The following RAD51C variants were observed in gnomAD, a reference collection of about 807,000 sequenced individuals.
The protein encoded by RAD51C is DNA repair protein RAD51 homolog 3.
RAD51C carries 42 observed loss-of-function variants against 45.0 expected under a neutral mutation model. That is an observed-to-expected ratio of 0.93 (90% CI 0.73 to 1.21). RAD51C has a LOEUF of 1.21. Among genes scored for constraint, RAD51C ranks in the 50% most tolerant of loss-of-function variants. The probability of loss-of-function intolerance (pLI) is 0.00; values close to 1 mark genes in which losing one functional copy is unlikely to be tolerated. For missense variants in RAD51C, 474 were observed against 452.2 expected (o/e 1.05, Z -0.44); for synonymous variants, 172 against 159.8 (o/e 1.08, Z -0.58).
chr17:58,709,382 A>G (rs890176618), intron 4 of RAD51C, among the ~76,000 whole-genome samples: 5 of 152,186 alleles, frequency 3.3e-5, no homozygotes, highest in South Asian at 2.1e-4. Context: ...CAGCCTTTGA[A>G]TTACTTTTTT....
At chr17:58,716,545 C>T (rs1355615609) in intron 5 of RAD51C, among the ~76,000 whole-genome samples, 6 of 151,784 alleles carry the variant, frequency 4.0e-5, no homozygotes, top group Non-Finnish European at 8.8e-5. Context: ...TCACTGCAAC[C>T]TCCTCCTCCC....
chr17:58,728,641 A>G (rs1462685645), intron 7 of RAD51C, among the ~76,000 whole-genome samples: 1 of 152,036 alleles, frequency 6.6e-6, no homozygotes, highest in Non-Finnish European at 1.5e-5. Context: ...CAGTCAGTCC[A>G]CCTACCTCGG....
chr17:58,706,540 C>T (rs1567796986), intron 4 of RAD51C: 4 of 463,700 alleles, frequency 8.6e-6, no homozygotes, highest in Admixed American at 4.8e-5. Flanking sequence ...GGCCCTGCCC[C>T]TTCCTCTCTC....
At chr17:58,730,828 A>T (rs1223165460) in intron 7 of RAD51C, among the ~76,000 whole-genome samples, 5 of 152,128 alleles carry the variant, frequency 3.3e-5, no homozygotes, top group Non-Finnish European at 5.9e-5. Context: ...TTATGTTTAC[A>T]TATAGTTCAC....
chr17:58,697,759 C>G (rs1231755493), intron 3 of RAD51C, among the ~76,000 whole-genome samples: 2 of 151,270 alleles, frequency 1.3e-5, no homozygotes, highest in African/African-American at 4.9e-5. Flanking sequence ...GCTGCCCAGG[C>G]TGGAGTGCAG....
At chr17:58,701,664 G>A (rs548763880) in intron 3 of RAD51C, among the ~76,000 whole-genome samples, 24 of 150,830 alleles carry the variant, frequency 1.6e-4, no homozygotes, top group Non-Finnish European at 3.0e-4. Flanking sequence ...TCCGTCTCCC[G>A]GGTTCAAGCC....
chr17:58,717,155 C>A (rs1247807018), intron 5 of RAD51C, among the ~76,000 whole-genome samples: 2 of 151,796 alleles, frequency 1.3e-5, no homozygotes, highest in African/African-American at 4.8e-5. Flanking sequence ...GCCTATAATC[C>A]CAGCACTTTG....
chr17:58,716,577 C>T (rs1254353806), intron 5 of RAD51C, among the ~76,000 whole-genome samples: 2 of 151,196 alleles, frequency 1.3e-5, no homozygotes, highest in South Asian at 2.1e-4. Context: ...ATTCTCCTCC[C>T]TCAGCCTCCC....
chr17:58,712,398 GAAAA>G (rs200264542), intron 5 of RAD51C, among the ~76,000 whole-genome samples: 1 of 130,664 alleles, frequency 7.7e-6, no homozygotes, highest in Non-Finnish European at 1.7e-5. Flanking sequence ...TTTTGTAAAA[GAAAA>G]AAAAAGTTCT....
intron 3 of RAD51C, chr17:58,699,874 G>A (rs2048151227): frequency 6.6e-6 from 1 of 151,706 alleles, no homozygotes; most frequent in Non-Finnish European, 1.5e-5. Context: ...TTTTGAGACA[G>A]AATCTGGCTC....
At chr17:58,728,228 G>A (rs1384777350) in intron 7 of RAD51C, among the ~76,000 whole-genome samples, 5 of 149,368 alleles carry the variant, frequency 3.3e-5, no homozygotes, top group Admixed American at 6.7e-5. Context: ...CTGGGCAGCA[G>A]AGTAAGACTC....
chr17:58,708,708 G>T (rs936759286), intron 4 of RAD51C, among the ~76,000 whole-genome samples: 1 of 151,616 alleles, frequency 6.6e-6, no homozygotes, highest in African/African-American at 2.4e-5. Flanking sequence ...CTTTGGGGGG[G>T]GCTTTCTTTT....
At chr17:58,716,753 C>T (rs1019211617) in intron 5 of RAD51C, among the ~76,000 whole-genome samples, 5 of 148,218 alleles carry the variant, frequency 3.4e-5, no homozygotes, top group African/African-American at 5.0e-5. Flanking sequence ...CAAGCCACCA[C>T]GCCTGGCTTC....
intron 5 of RAD51C, among the ~76,000 whole-genome samples, chr17:58,715,990 AGCTACTTGGGAGGCTG>A (rs2048718521): frequency 6.6e-6 from 1 of 151,814 alleles, no homozygotes; most frequent in East Asian, 1.9e-4. Flanking sequence ...CTGTAATCCT[AGCTACTTGGGAGGCTG>A]AGGCAGGAAA....
intron 3 of RAD51C, among the ~76,000 whole-genome samples, chr17:58,697,645 A>C (rs191015): frequency 2.0e-5 from 3 of 151,564 alleles, no homozygotes; most frequent in African/African-American, 7.3e-5. Context: ...TCATAACTGC[A>C]CTAATTGTTA....
chr17:58,725,146 C>G (rs2049071153), intron 7 of RAD51C, among the ~76,000 whole-genome samples: 1 of 152,088 alleles, frequency 6.6e-6, no homozygotes, highest in Non-Finnish European at 1.5e-5. Context: ...TAGTGCTTTA[C>G]TATTGACTGT....
intron 7 of RAD51C, 91 bp downstream of exon 7, chr17:58,724,191 G>T (rs2143964503): frequency 1.6e-6 from 2 of 1,232,758 alleles, no homozygotes; most frequent in South Asian, 2.5e-5. Context: ...TCCTGTGGAT[G>T]AGATATACAG....
At position 58,734,308 on chromosome 17, in the gene RAD51C, T is replaced by C. The variant is rs2049571756; in HGVS notation, c.*86T>C. 6.5e-7 allele frequency: 1 copy of C among 1,549,922 alleles called. No individual in the cohort carries two copies. Among genetic ancestry groups the C allele is most frequent in the Non-Finnish European group, 8.7e-7 (1 of 1,144,296 alleles). ...TGGACTTGTTACCTTAAAGTATAAA[T>C]AAACACACTATGGCATGAATGAATC... On this transcript the variant is annotated 3_prime_UTR_variant, in exon 9 of 9. Transcript: ENST00000337432.
intron 4 of RAD51C, among the ~76,000 whole-genome samples, chr17:58,708,277 T>C (rs1248072210): frequency 6.6e-6 from 1 of 152,136 alleles, no homozygotes; most frequent in East Asian, 1.9e-4. Context: ...TTCAACCAGT[T>C]TCATTTTCTT....
Sources: allele counts gnomAD v4.1 joint callset (sites outside exome capture counted in the v4.1 genomes callset), GRCh38; gene constraint gnomAD v4.1.1; transcripts MANE v1.5; gene names NCBI Gene and HGNC (gene_info 2026-07-23, HGNC 2026-07-21).